USP3: variants seen among roughly 807,000 people sequenced by gnomAD.
USP3 encodes the protein ubiquitin carboxyl-terminal hydrolase 3.
A neutral mutation model predicts 72.3 loss-of-function variants in USP3; 20 were observed. The ratio of observed to expected loss-of-function variants is 0.28; its 90% CI spans 0.19 to 0.40. The LOEUF is 0.40. Ranked by LOEUF, USP3 falls within the 10% of genes least tolerant of loss-of-function variation. USP3 has a pLI of 1.00. For synonymous variants in USP3, 222 were observed against 225.3 expected, an observed-to-expected ratio of 0.99 and a Z score of 0.13; for missense variants, 479 against 633.9, an observed-to-expected ratio of 0.76 and a Z score of 2.62.
Position 63,574,178 on chromosome 15 carries a change from T to C in USP3, c.1015+26T>C, listed in dbSNP as rs777136306. On this transcript the variant is annotated intron_variant, in intron 10 of 14. Coordinates refer to ENST00000380324, the MANE Select transcript of USP3 (RefSeq NM_006537.4). This position sits in a 1 kb window ranked among gnomAD's most constrained non-coding sequence, Gnocchi z 4.6. Reference sequence around the variant, plus strand: ...GTAAGATATATGTGGCATGTGGATATATAATATTTTATTAAAATAAATTTA... The same window carrying C: ...GTAAGATATATGTGGCATGTGGATACATAATATTTTATTAAAATAAATTTA... The C allele has an allele frequency of 1.3e-5, 19 of 1,451,986 alleles. No individual in the cohort carries two copies. The highest frequency in any genetic ancestry group is 1.8e-5 in the Non-Finnish European group (19 of 1,083,334). 89.9% of individuals were successfully genotyped at this position (1,451,986 alleles called of 1,614,324 possible). A position where few individuals can be genotyped will look rare whatever the true frequency, so the allele number is the denominator to read the frequency against.
Position 63,555,578 on chromosome 15 carries a change from C to A in USP3, c.369-1089C>A, listed in dbSNP as rs146719677. Among the ~76,000 whole-genome samples the A allele has an allele frequency of 1.6e-3, 249 of 152,308 alleles. 2 individuals carry two copies. The highest frequency in any genetic ancestry group is 5.8e-3 in the African/African-American group (240 of 41,570). ...ACTGAGGATAAAATTTAGTAACTTA[C>A]ATTTTTAAAAGGTGAAATGCCTTAT... On this transcript the variant is annotated intron_variant, in intron 4 of 14. Transcript: ENST00000380324.
At chr15:63,578,639 A>AAG (rs1566916091) in intron 11 of USP3, among the ~76,000 whole-genome samples, 25 of 151,760 alleles carry the variant, frequency 1.6e-4, no homozygotes, top group African/African-American at 5.3e-4. Context: ...GAAGAAAAAA[A>AAG]AAAGAAATGT....
At chr15:63,533,838 C>T in intron 2 of USP3, 1 of 1,228,800 alleles carries the variant, frequency 8.1e-7, no homozygotes, top group Non-Finnish European at 1.0e-6. Flanking sequence ...GTACAGATAA[C>T]TTTTTTTTAA....
At chr15:63,516,814 G>A (rs2065856227) in intron 1 of USP3, among the ~76,000 whole-genome samples, 1 of 151,534 alleles carries the variant, frequency 6.6e-6, no homozygotes, top group African/African-American at 2.4e-5. Flanking sequence ...TTAATAGGAA[G>A]TGAAGGGATT....
At chr15:63,563,075 C>G in intron 8 of USP3, 67 bp downstream of exon 8, 1 of 1,125,564 alleles carries the variant, frequency 8.9e-7, no homozygotes, top group Non-Finnish European at 1.2e-6. Context: ...GAAATAATTC[C>G]TAATGAAGTG....
At chr15:63,542,503 C>G (rs78328467) in intron 3 of USP3, among the ~76,000 whole-genome samples, 10,615 of 151,976 alleles carry the variant, frequency 0.07, 414 homozygotes, top group Non-Finnish European at 0.082. Flanking sequence ...TAAAGCAAAT[C>G]TAACCCAGTA....
intron 8 of USP3, among the ~76,000 whole-genome samples, chr15:63,567,666 A>G (rs903436780): frequency 2.0e-5 from 3 of 151,778 alleles, no homozygotes; most frequent in African/African-American, 2.4e-5. Flanking sequence ...ATTTTTTGAT[A>G]GATGGGGTTT....
intron 3 of USP3, among the ~76,000 whole-genome samples, chr15:63,545,798 C>G (rs1000613917): frequency 3.3e-5 from 5 of 151,530 alleles, no homozygotes; most frequent in African/African-American, 1.2e-4. Flanking sequence ...TGGCGAAAAC[C>G]CATCTCTACT....
In USP3 at chr15:63,528,257, A is replaced by G. The variant is rs2066014427; in HGVS notation, c.92-4390A>G. On this transcript the variant is annotated intron_variant, in intron 1 of 14. Transcript: ENST00000380324. This position sits in a 1 kb window ranked among gnomAD's most constrained non-coding sequence, Gnocchi z 4.3. ...TATCTTGGTTTGAGGAAATTTTACA[A>G]TCTGAGTAAAAGATGAGTTTCACTT... 6.6e-6 allele frequency: 1 copy of G among 152,176 alleles called. No individual in the cohort carries two copies. The highest frequency in any genetic ancestry group is 6.5e-5 in the Admixed American group (1 of 15,278). The allele number at this position is 152,176 out of a possible 1,614,324, so 9.4% of individuals were successfully genotyped here.
intron 1 of USP3, among the ~76,000 whole-genome samples, chr15:63,524,965 A>G (rs1435828126): frequency 2.0e-5 from 3 of 152,168 alleles, no homozygotes; most frequent in Non-Finnish European, 4.4e-5. Context: ...GCCATCTTTA[A>G]TCTACCACAA....
intron 1 of USP3, among the ~76,000 whole-genome samples, chr15:63,525,454 G>T (rs2065968807): frequency 1.3e-5 from 2 of 152,214 alleles, no homozygotes; most frequent in South Asian, 4.1e-4. Context: ...CATTGTTGGG[G>T]CTGGGGAGAC....
At chr15:63,549,209 G>T (rs1231690829) in intron 3 of USP3, among the ~76,000 whole-genome samples, 2 of 152,130 alleles carry the variant, frequency 1.3e-5, no homozygotes, top group Non-Finnish European at 2.9e-5. Context: ...CTCAACTCGT[G>T]AAGTTTTGAT....
intron 2 of USP3, among the ~76,000 whole-genome samples, chr15:63,534,386 A>G (rs2066122869): frequency 6.6e-6 from 1 of 152,176 alleles, no homozygotes; most frequent in Non-Finnish European, 1.5e-5. Context: ...AATAGCATAT[A>G]TGGGTTATAA....
intron 3 of USP3, among the ~76,000 whole-genome samples, chr15:63,546,376 A>T (rs2152666327): frequency 6.6e-6 from 1 of 152,000 alleles, no homozygotes; most frequent in East Asian, 1.9e-4. Flanking sequence ...TAGGCTTCAG[A>T]GGACCAATCT....
intron 1 of USP3, among the ~76,000 whole-genome samples, chr15:63,512,068 G>A (rs2152647569): frequency 1.4e-5 from 2 of 141,838 alleles, no homozygotes; most frequent in Non-Finnish European, 3.0e-5. Context: ...GTAATTCTTT[G>A]CCTCAGCCTC....
intron 3 of USP3, among the ~76,000 whole-genome samples, chr15:63,550,602 G>C (rs994993545): frequency 2.0e-5 from 3 of 152,176 alleles, no homozygotes; most frequent in Non-Finnish European, 4.4e-5. Flanking sequence ...TATACCCATA[G>C]TATTAATTAG....
At chr15:63,537,283 CGGAGG>C in intron 3 of USP3, 127 bp downstream of exon 3, 2 of 1,141,570 alleles carry the variant, frequency 1.8e-6, no homozygotes, top group South Asian at 4.3e-5. Flanking sequence ...TTAGGATTCA[CGGAGG>C]ACTGGAGCCA....
intron 11 of USP3, among the ~76,000 whole-genome samples, chr15:63,584,073 A>G (rs2152682966): frequency 6.7e-6 from 1 of 148,426 alleles, no homozygotes; most frequent in East Asian, 2.0e-4. Context: ...CATTCCCACC[A>G]GCAAGGTACA....
chr15:63,583,645 T>A (rs1029900719), intron 11 of USP3, among the ~76,000 whole-genome samples: 7 of 152,212 alleles, frequency 4.6e-5, no homozygotes, highest in Non-Finnish European at 8.8e-5. Flanking sequence ...CTCATTACTT[T>A]TCCTCTCTTG....
Sources: allele counts gnomAD v4.1 joint callset (sites outside exome capture counted in the v4.1 genomes callset), GRCh38; gene constraint gnomAD v4.1.1; non-coding constraint Gnocchi (gnomAD v3.1); transcripts MANE v1.5; gene names NCBI Gene and HGNC (gene_info 2026-07-23, HGNC 2026-07-21).